The following NINJ2 variants were observed in gnomAD, a reference collection of about 807,000 sequenced individuals.
NINJ2 encodes the protein ninjurin 2.
Under a neutral mutation model 11.7 loss-of-function variants are expected in NINJ2, and 12 were observed. The ratio of observed to expected loss-of-function variants is 1.02; its 90% CI spans 0.66 to 1.66. The LOEUF (loss-of-function observed/expected upper bound fraction) is 1.66. Ranked by LOEUF, NINJ2 falls within the 40% of genes most tolerant of loss-of-function variation. The pLI is 0.00. For missense variants in NINJ2, 187 were observed against 181.8 expected, an observed-to-expected ratio of 1.03 and a Z score of -0.16; for synonymous variants, 93 against 76.8, an observed-to-expected ratio of 1.21 and a Z score of -1.10.
At chr12:622,434 A>AAAG (rs1206701601) in intron 1 of NINJ2, among the ~76,000 whole-genome samples, 9 of 144,312 alleles carry the variant, frequency 6.2e-5, no homozygotes, top group African/African-American at 2.4e-4. Context: ...AAAAAAAAAA[A>AAAG]GGAAAGAAAG....
intron 1 of NINJ2, among the ~76,000 whole-genome samples, chr12:654,415 G>A (rs761799472): frequency 6.6e-6 from 1 of 151,452 alleles, no homozygotes. Context: ...CAGCTACTCC[G>A]GACCTTGAGG....
intron 1 of NINJ2, among the ~76,000 whole-genome samples, chr12:597,981 C>T (rs1178069471): frequency 6.6e-6 from 1 of 152,228 alleles, no homozygotes; most frequent in African/African-American, 2.4e-5. Context: ...TAAGATTTTT[C>T]TTTGTAGCTC....
chr12:624,132 C>A (rs2120394939), intron 1 of NINJ2, among the ~76,000 whole-genome samples: 1 of 152,322 alleles, frequency 6.6e-6, no homozygotes, highest in Non-Finnish European at 1.5e-5. Context: ...ACGTCCCATC[C>A]TCTTACTCTA....
chr12:649,531 G>GTATATA (rs58255301), intron 1 of NINJ2, among the ~76,000 whole-genome samples: 3,535 of 127,502 alleles, frequency 0.028, 116 homozygotes, highest in South Asian at 0.05. Context: ...GTGTATATGT[G>GTATATA]TATATATATA....
chr12:646,533 A>G (rs1020389023), intron 1 of NINJ2, among the ~76,000 whole-genome samples: 8 of 152,200 alleles, frequency 5.3e-5, no homozygotes, highest in East Asian at 1.9e-4. Context: ...TACGTAGATC[A>G]CCGTGAAAGC....
chr12:624,830 T>C (rs1948193730), intron 1 of NINJ2, among the ~76,000 whole-genome samples: 1 of 141,950 alleles, frequency 7.0e-6, no homozygotes, highest in African/African-American at 2.6e-5. Flanking sequence ...AAAAGATGGC[T>C]GGGCGCGGTG....
intron 1 of NINJ2, among the ~76,000 whole-genome samples, chr12:623,449 A>G (rs1252226603): frequency 6.6e-6 from 1 of 152,146 alleles, no homozygotes; most frequent in East Asian, 1.9e-4. Context: ...GAGTCTCTGA[A>G]TGTACCAGCC....
chr12:577,619 T>G (rs1041890809), intron 1 of NINJ2, among the ~76,000 whole-genome samples: 1 of 151,448 alleles, frequency 6.6e-6, no homozygotes, highest in Non-Finnish European at 1.5e-5. Context: ...CCCCAGTGTC[T>G]AAATCCTAAG....
At chr12:576,404 A>G (rs1947462075) in intron 1 of NINJ2, among the ~76,000 whole-genome samples, 1 of 152,252 alleles carries the variant, frequency 6.6e-6, no homozygotes, top group Non-Finnish European at 1.5e-5. Flanking sequence ...GGGGCCATAA[A>G]TTACAAACGG....
intron 1 of NINJ2, among the ~76,000 whole-genome samples, chr12:660,399 G>A (rs533487835): frequency 4.8e-5 from 7 of 146,648 alleles, no homozygotes; most frequent in African/African-American, 1.8e-4. Context: ...AAAGTGCAGT[G>A]GCACGATCTC....
chr12:642,377 C>G (rs1008458506), intron 1 of NINJ2, among the ~76,000 whole-genome samples: 3 of 152,186 alleles, frequency 2.0e-5, no homozygotes, highest in Admixed American at 1.3e-4. Flanking sequence ...ACTACAGGCG[C>G]CCGCCACCAC....
intron 1 of NINJ2, among the ~76,000 whole-genome samples, chr12:659,355 T>C (rs1010467531): frequency 6.6e-6 from 1 of 152,098 alleles, no homozygotes; most frequent in African/African-American, 2.4e-5. Flanking sequence ...GCCTGGGGAA[T>C]CTGGAAGCCC....
intron 1 of NINJ2, among the ~76,000 whole-genome samples, chr12:596,798 C>G (rs1207224897): frequency 1.3e-5 from 2 of 151,968 alleles, no homozygotes; most frequent in African/African-American, 2.4e-5. Context: ...GCGGCGTGTG[C>G]CTGTAGTCCC....
At chr12:663,292 C>T (rs3782851) in intron 1 of NINJ2, 36 bp downstream of exon 1, 114,843 of 1,594,584 alleles carry the variant, frequency 0.072, 5,445 homozygotes, top group East Asian at 0.18. Context: ...CCTCTACTCC[C>T]GGTCTCCCCT....
At chr12:598,394 T>A (rs1368585901) in intron 1 of NINJ2, among the ~76,000 whole-genome samples, 1 of 152,166 alleles carries the variant, frequency 6.6e-6, no homozygotes, top group Admixed American at 6.5e-5. Flanking sequence ...TGGCAGTGAA[T>A]TCCAGAGAGG....
intron 1 of NINJ2, among the ~76,000 whole-genome samples, chr12:609,850 G>T (rs1948004987): frequency 1.3e-5 from 2 of 151,384 alleles, no homozygotes; most frequent in Non-Finnish European, 2.9e-5. Context: ...GCTCAGGCAG[G>T]AGGATTGTTT....
At chr12:630,954 A>C (rs1249031642) in intron 1 of NINJ2, 2 of 152,180 alleles carry the variant, frequency 1.3e-5, no homozygotes, top group Non-Finnish European at 2.9e-5. Context: ...TCAAGGGTGC[A>C]TTTGCAAACT....
chr12:641,931 A>G (rs1476153551), intron 1 of NINJ2, among the ~76,000 whole-genome samples: 2 of 152,262 alleles, frequency 1.3e-5, no homozygotes, highest in East Asian at 3.9e-4. Context: ...TGGCTCAGAA[A>G]AGACCTGTCT....
chr12:596,432 G>C (rs919829376), intron 1 of NINJ2, among the ~76,000 whole-genome samples: 7 of 152,200 alleles, frequency 4.6e-5, no homozygotes, highest in African/African-American at 1.7e-4. Flanking sequence ...TCTGCTGGGG[G>C]ATGTTGATAA....
Sources: gnomAD v4.1 joint callset for allele counts (sites outside exome capture counted in the v4.1 genomes callset) on GRCh38, gnomAD v4.1.1 for gene constraint, MANE v1.5 for transcripts, NCBI Gene and HGNC (gene_info 2026-07-23, HGNC 2026-07-21) for gene names.